The following CDH13 variants were observed in gnomAD, a reference collection of about 807,000 sequenced individuals.
CDH13 encodes the protein cadherin 13, also known as cadherin-13.
Under a neutral mutation model 63.8 loss-of-function variants are expected in CDH13, and 24 were observed. The observed-to-expected ratio is 0.38, with a 90% CI of 0.27 to 0.53. CDH13 has a LOEUF of 0.53. CDH13 is among the 20% of genes least tolerant of loss of function. The pLI is 0.85. For missense variants in CDH13, 1,049 were observed against 903.1 expected (o/e 1.16, Z -2.07); for synonymous variants, 503 against 355.3 (o/e 1.42, Z -4.67).
intron 10 of CDH13, among the ~76,000 whole-genome samples, chr16:83,731,703 A>C (rs558467126): frequency 3.0e-4 from 46 of 152,344 alleles, no homozygotes; most frequent in African/African-American, 1.1e-3. Flanking sequence ...GCCAAGGTCA[A>C]TGTGCAGAAT....
intron 5 of CDH13, among the ~76,000 whole-genome samples, chr16:83,245,512 G>C (rs190342749): frequency 1.4e-4 from 22 of 152,188 alleles, no homozygotes. Flanking sequence ...TAAAACCCGA[G>C]AACTCCATCT....
At chr16:82,938,744 G>T (rs34694300) in intron 2 of CDH13, among the ~76,000 whole-genome samples, 27,661 of 152,136 alleles carry the variant, frequency 0.18, 2,649 homozygotes, top group East Asian at 0.2. Context: ...TCAACGTAGG[G>T]TGCAGTATTA....
At chr16:82,896,877 T>G (rs897846049) in intron 2 of CDH13, among the ~76,000 whole-genome samples, 1 of 148,738 alleles carries the variant, frequency 6.7e-6, no homozygotes, top group African/African-American at 2.5e-5. Flanking sequence ...GCCTCCCAGG[T>G]TCACAGCATT....
chr16:83,386,719 G>C (rs1208609653), intron 6 of CDH13, among the ~76,000 whole-genome samples: 1 of 152,200 alleles, frequency 6.6e-6, no homozygotes, highest in African/African-American at 2.4e-5. Context: ...GCAAGTATAA[G>C]AAAATCTAAC....
chr16:82,839,640 G>T (rs910620927), intron 1 of CDH13, among the ~76,000 whole-genome samples: 4 of 152,112 alleles, frequency 2.6e-5, no homozygotes, highest in African/African-American at 7.2e-5. Context: ...ACTAAATACA[G>T]TGGCCAGATG....
chr16:83,197,491 T>C (rs2038908078), intron 4 of CDH13, among the ~76,000 whole-genome samples: 1 of 152,170 alleles, frequency 6.6e-6, no homozygotes, highest in Non-Finnish European at 1.5e-5. Flanking sequence ...CTGGGTTTTA[T>C]TCATTCTTTC....
chr16:83,084,610 C>T (rs1003287760), intron 3 of CDH13, among the ~76,000 whole-genome samples: 1 of 152,178 alleles, frequency 6.6e-6, no homozygotes, highest in Non-Finnish European at 1.5e-5. Context: ...CTTAAGTACC[C>T]AGGTGCAGTG....
Position 83,464,047 on chromosome 16 carries a change from T to C in CDH13, c.782-22430T>C, listed in dbSNP as rs150359915. On this transcript the variant is annotated intron_variant, in intron 6 of 13. Transcript: ENST00000567109. The stretch of plus-strand genomic sequence containing the variant: ...TCAGCCAGATTCGGAAGCTCCTTTA[T>C]GCTATGTTCTAGGGGGATTTTATTG... 2.0e-4 allele frequency among the ~76,000 whole-genome samples: 30 copies of C among 152,268 alleles called. 1 individual carries two copies. In the East Asian group the frequency reaches 5.8e-3, roughly 29 times the overall value.
chr16:83,379,806 T>C (rs1291820953), intron 6 of CDH13, among the ~76,000 whole-genome samples: 1 of 151,758 alleles, frequency 6.6e-6, no homozygotes, highest in African/African-American at 2.4e-5. Flanking sequence ...AAAATAAATA[T>C]AAAACTGCCA....
chr16:83,272,273 G>C (rs1035218975), intron 5 of CDH13, among the ~76,000 whole-genome samples: 1 of 152,176 alleles, frequency 6.6e-6, no homozygotes, highest in African/African-American at 2.4e-5. Context: ...GATAAGACCT[G>C]TGTAGAATTA....
intron 2 of CDH13, among the ~76,000 whole-genome samples, chr16:82,895,355 G>C (rs1009857277): frequency 6.6e-6 from 1 of 152,062 alleles, no homozygotes; most frequent in Non-Finnish European, 1.5e-5. Flanking sequence ...ATCACACTTA[G>C]GCTCAAACAC....
At chr16:83,265,217 A>G (rs1433330232) in intron 5 of CDH13, among the ~76,000 whole-genome samples, 1 of 152,114 alleles carries the variant, frequency 6.6e-6, no homozygotes, top group Non-Finnish European at 1.5e-5. Context: ...CTTCTCAGCC[A>G]TCACCCTGAC....
intron 5 of CDH13, among the ~76,000 whole-genome samples, chr16:83,232,231 A>ATTT (rs2040019608): frequency 7.6e-6 from 1 of 131,384 alleles, no homozygotes; most frequent in Non-Finnish European, 1.6e-5. Flanking sequence ...TTTTTTTAAA[A>ATTT]AAAAAAAAAA....
intron 5 of CDH13, among the ~76,000 whole-genome samples, chr16:83,313,308 C>G (rs1056424098): frequency 6.6e-6 from 1 of 152,104 alleles, no homozygotes; most frequent in African/African-American, 2.4e-5. Flanking sequence ...GAGCAGTTAT[C>G]TTTGAAATTG....
intron 8 of CDH13, among the ~76,000 whole-genome samples, chr16:83,669,930 T>G (rs1035348599): frequency 6.6e-6 from 1 of 152,246 alleles, no homozygotes; most frequent in Admixed American, 6.5e-5. Flanking sequence ...CAATACTTTA[T>G]GCTTTCGGCT....
intron 4 of CDH13, among the ~76,000 whole-genome samples, chr16:83,138,519 G>T (rs766598511): frequency 5.9e-5 from 9 of 152,188 alleles, no homozygotes; most frequent in Non-Finnish European, 1.2e-4. Context: ...ACGGGCGAGA[G>T]GGACGGTGGT....
chr16:82,770,580 A>G (rs1337911699), intron 1 of CDH13, among the ~76,000 whole-genome samples: 1 of 152,222 alleles, frequency 6.6e-6, no homozygotes, highest in Non-Finnish European at 1.5e-5. Context: ...GCTTTGAGTT[A>G]TATTGACATT....
chr16:83,487,373 T>G (rs1166209589), intron 7 of CDH13, among the ~76,000 whole-genome samples: 1 of 152,210 alleles, frequency 6.6e-6, no homozygotes, highest in Non-Finnish European at 1.5e-5. Flanking sequence ...AGACATCAGG[T>G]CCACTTTCCA....
rs114137934 is a variant in CDH13, at chr16:83,571,295, C to T, written c.961-31159C>T. Among the ~76,000 whole-genome samples, 1,019 of 152,102 alleles carry T rather than the reference C, an allele frequency of 6.7e-3. 11 individuals are homozygous for T. The highest frequency in any genetic ancestry group is 0.023 in the African/African-American group (965 of 41,468). On this transcript the variant is annotated intron_variant, in intron 7 of 13. Coordinates refer to ENST00000567109, the MANE Select transcript of CDH13 (RefSeq NM_001257.5). ...AGATGGAAAATTGTCACATGAGGGA[C>T]AGTGAGAACAGGTAGCTGATAGAAA... is the stretch of plus-strand genomic sequence containing the variant.
Sources: allele counts gnomAD v4.1 joint callset (sites outside exome capture counted in the v4.1 genomes callset), GRCh38; gene constraint gnomAD v4.1.1; transcripts MANE v1.5; gene names NCBI Gene and HGNC (gene_info 2026-07-23, HGNC 2026-07-21).